The following AEBP2 variants were observed in gnomAD, a reference collection of about 807,000 sequenced individuals.
The protein encoded by AEBP2 is zinc finger protein AEBP2.
In AEBP2, 10 loss-of-function variants were observed where a neutral mutation model predicts 50.8. The ratio of observed to expected loss-of-function variants is 0.20; its 90% confidence interval spans 0.12 to 0.33. AEBP2 has a LOEUF of 0.33. Ranked by LOEUF, AEBP2 falls within the 10% of genes least tolerant of loss-of-function variation. The pLI is 1.00. For synonymous variants in AEBP2, 296 were observed against 261.3 expected, an observed-to-expected ratio of 1.13 and a Z score of -1.28; for missense variants, 570 against 688.0, an observed-to-expected ratio of 0.83 and a Z score of 1.92.
intron 1 of AEBP2, chr12:19,457,169 C>T: frequency 6.3e-7 from 1 of 1,597,696 alleles, no homozygotes; most frequent in African/African-American, 1.3e-5. Context: ...TCAGTGGAAT[C>T]CATTTTGTTA....
chr12:19,511,470 C>T (rs1166739797), intron 5 of AEBP2, among the ~76,000 whole-genome samples: 1 of 152,216 alleles, frequency 6.6e-6, no homozygotes, highest in Admixed American at 6.5e-5. Flanking sequence ...GAAGAGTTTT[C>T]TGCACCATAC....
intron 4 of AEBP2, among the ~76,000 whole-genome samples, chr12:19,497,328 GTTTTTTTT>G (rs34011915): frequency 2.5e-5 from 2 of 78,710 alleles, no homozygotes; most frequent in Admixed American, 2.0e-4. Flanking sequence ...TTCCAAAGGT[GTTTTTTTT>G]TTTTTTTTTT....
chr12:19,484,030 T>C (rs1438421720), intron 3 of AEBP2, among the ~76,000 whole-genome samples: 1 of 152,102 alleles, frequency 6.6e-6, no homozygotes, highest in Non-Finnish European at 1.5e-5. Context: ...TTGTCAAACT[T>C]TTGGATTTTT....
chr12:19,506,243 A>G (rs910394736), intron 5 of AEBP2, among the ~76,000 whole-genome samples: 1 of 151,832 alleles, frequency 6.6e-6, no homozygotes, highest in Non-Finnish European at 1.5e-5. Context: ...ACTGTACTAA[A>G]TTAGCGTCCC....
chr12:19,465,169 C>T (rs1025605808), intron 2 of AEBP2, among the ~76,000 whole-genome samples: 7 of 151,700 alleles, frequency 4.6e-5, no homozygotes, highest in African/African-American at 9.7e-5. Context: ...CTGAGGCGCG[C>T]GGATCACGGG....
intron 2 of AEBP2, among the ~76,000 whole-genome samples, chr12:19,464,545 C>G (rs1164793396): frequency 6.6e-6 from 1 of 151,894 alleles, no homozygotes; most frequent in Non-Finnish European, 1.5e-5. Context: ...AATGCAGTTA[C>G]AGTCTGATTT....
intron 3 of AEBP2, among the ~76,000 whole-genome samples, chr12:19,474,138 CTT>C (rs1342368740): frequency 6.6e-6 from 1 of 152,164 alleles, no homozygotes; most frequent in African/African-American, 2.4e-5. Context: ...TTGTAAATCA[CTT>C]TTGTCAAATT....
At chr12:19,474,200 T>G (rs923491168) in intron 3 of AEBP2, among the ~76,000 whole-genome samples, 2 of 152,206 alleles carry the variant, frequency 1.3e-5, no homozygotes, top group Non-Finnish European at 2.9e-5. Flanking sequence ...GTAAAAATCT[T>G]TTCCATTTAT....
intron 1 of AEBP2, among the ~76,000 whole-genome samples, chr12:19,418,622 T>A (rs1186570145): frequency 3.3e-5 from 5 of 152,124 alleles, no homozygotes. Context: ...CCCCCCACTT[T>A]GAGTTGTCCT....
chr12:19,502,016 T>C (rs1252826269), intron 5 of AEBP2, among the ~76,000 whole-genome samples: 1 of 152,156 alleles, frequency 6.6e-6, no homozygotes, highest in Non-Finnish European at 1.5e-5. Flanking sequence ...ATAGATTATA[T>C]GCAACACCAT....
intron 3 of AEBP2, among the ~76,000 whole-genome samples, chr12:19,483,224 G>A (rs1309928594): frequency 6.6e-6 from 1 of 152,074 alleles, no homozygotes; most frequent in African/African-American, 2.4e-5. Flanking sequence ...GCTTCCCTGG[G>A]CTCTAGCTAG....
intron 5 of AEBP2, among the ~76,000 whole-genome samples, chr12:19,506,517 A>G (rs1284198177): frequency 6.6e-6 from 1 of 152,150 alleles, no homozygotes; most frequent in Non-Finnish European, 1.5e-5. Flanking sequence ...TGAAAGTTGT[A>G]CTCACTGAGG....
chr12:19,431,530 G>A (rs2095751446), intron 1 of AEBP2, among the ~76,000 whole-genome samples: 1 of 152,110 alleles, frequency 6.6e-6, no homozygotes, highest in Admixed American at 6.6e-5. Context: ...TTATAGAAAA[G>A]GCATTTTACT....
At chr12:19,408,687 G>T (rs914737597) in intron 1 of AEBP2, among the ~76,000 whole-genome samples, 1 of 152,082 alleles carries the variant, frequency 6.6e-6, no homozygotes, top group Non-Finnish European at 1.5e-5. Context: ...GGATCACGAG[G>T]TCAGGAGTTC....
chr12:19,515,183 T>C (rs1045141159), intron 7 of AEBP2, among the ~76,000 whole-genome samples: 70 of 152,194 alleles, frequency 4.6e-4, no homozygotes, highest in African/African-American at 1.7e-3. Context: ...CTCCAAACTT[T>C]CCAAAAGAGC....
intron 3 of AEBP2, among the ~76,000 whole-genome samples, chr12:19,482,990 G>T (rs1336802239): frequency 6.6e-6 from 1 of 152,084 alleles, no homozygotes; most frequent in Non-Finnish European, 1.5e-5. Context: ...AGAAAGCAAG[G>T]CCTTCAGACC....
chr12:19,453,192 A>G (rs923186038), intron 1 of AEBP2, among the ~76,000 whole-genome samples: 9 of 151,742 alleles, frequency 5.9e-5, no homozygotes, highest in Non-Finnish European at 1.0e-4. Context: ...GATGGTCTCG[A>G]TCTCCTGACC....
intron 3 of AEBP2, among the ~76,000 whole-genome samples, chr12:19,474,252 G>C (rs942123645): frequency 4.6e-5 from 7 of 152,150 alleles, no homozygotes; most frequent in Non-Finnish European, 8.8e-5. Flanking sequence ...TTTATGGAAA[G>C]CAGCATATAC....
intron 5 of AEBP2, among the ~76,000 whole-genome samples, chr12:19,506,170 C>T (rs1275243310): frequency 6.6e-6 from 1 of 152,000 alleles, no homozygotes; most frequent in Non-Finnish European, 1.5e-5. Context: ...CATACTGGCT[C>T]ACTGCAACCT....
Sources: allele counts gnomAD v4.1 joint callset (sites outside exome capture counted in the v4.1 genomes callset), GRCh38; gene constraint gnomAD v4.1.1; transcripts MANE v1.5; gene names NCBI Gene and HGNC (gene_info 2026-07-23, HGNC 2026-07-21).